Variants in RNF214 observed in about 807,000 individuals in gnomAD.
RNF214 encodes ring finger protein 214.
In RNF214, 25 loss-of-function variants were observed where a neutral mutation model predicts 75.9. That is an observed-to-expected ratio of 0.33 (90% CI 0.24 to 0.46). RNF214 has a LOEUF of 0.46. RNF214 is among the 20% of genes least tolerant of loss of function. The pLI is 1.00. For synonymous variants in RNF214, 314 were observed against 308.8 expected (o/e 1.02, Z -0.18); for missense variants, 725 against 857.5 (o/e 0.85, Z 1.93).
rs118053205 is a variant in RNF214, at chr11:117,247,828, A to G, written c.959+880A>G. Among the ~76,000 whole-genome samples, 845 of 150,370 alleles carry G rather than the reference A, an allele frequency of 5.6e-3. 7 individuals are homozygous for G. The highest frequency in any genetic ancestry group is 8.8e-3 in the Non-Finnish European group (592 of 67,580). On this transcript the variant is annotated intron_variant, in intron 6 of 14. Coordinates refer to ENST00000300650, the MANE Select transcript of RNF214 (RefSeq NM_207343.4). ...AGCTGAGATCGTGCCACTGGACTTC[A>G]GCCTGGCAACAGAGTGAGACCCTGT...
At chr11:117,273,684 C>T (rs576738206) in intron 6 of RNF214, among the ~76,000 whole-genome samples, 23 of 152,098 alleles carry the variant, frequency 1.5e-4, no homozygotes, top group Non-Finnish European at 1.6e-4. Flanking sequence ...ACCCTCAAAT[C>T]CATTTCCCCT....
chr11:117,254,238 G>A (rs2033467857), intron 6 of RNF214, among the ~76,000 whole-genome samples: 1 of 151,478 alleles, frequency 6.6e-6, no homozygotes, highest in East Asian at 1.9e-4. Flanking sequence ...GACAGAGCAA[G>A]ACTCCATCTC....
intron 5 of RNF214, 46 bp downstream of exon 5, chr11:117,244,631 C>T (rs2033163841): frequency 1.4e-6 from 2 of 1,434,720 alleles, no homozygotes; most frequent in Non-Finnish European, 9.4e-7. Context: ...GCAACAGTCT[C>T]TGATCAAACT....
chr11:117,277,488 T>C (rs571308927), intron 6 of RNF214, among the ~76,000 whole-genome samples: 61 of 152,170 alleles, frequency 4.0e-4, no homozygotes, highest in African/African-American at 1.5e-3. Context: ...AATAAGTGTG[T>C]AACACACACA....
chr11:117,275,517 G>A (rs2033998967), intron 6 of RNF214, among the ~76,000 whole-genome samples: 1 of 152,192 alleles, frequency 6.6e-6, no homozygotes, highest in Non-Finnish European at 1.5e-5. Context: ...TTAGCTGTGA[G>A]AGGATTCAAA....
At chr11:117,270,132 G>A (rs1011336826) in intron 6 of RNF214, among the ~76,000 whole-genome samples, 4 of 151,858 alleles carry the variant, frequency 2.6e-5, no homozygotes, top group African/African-American at 9.7e-5. Flanking sequence ...AATCCCTCTT[G>A]GTGCTTCTGG....
chr11:117,242,565 C>T (rs2033108751), intron 4 of RNF214, among the ~76,000 whole-genome samples: 1 of 152,146 alleles, frequency 6.6e-6, no homozygotes, highest in Admixed American at 6.6e-5. Context: ...TTTAAAAAGG[C>T]AGTGAGGCCG....
chr11:117,246,723 G>C (rs1413241270), intron 5 of RNF214, 86 bp from the exon 6 acceptor site: 6 of 1,318,340 alleles, frequency 4.6e-6, no homozygotes, highest in Non-Finnish European at 5.1e-6. Flanking sequence ...ACGTGAATTT[G>C]TGATAGTTGA....
chr11:117,254,394 T>G (rs2033472011), intron 6 of RNF214, among the ~76,000 whole-genome samples: 1 of 152,172 alleles, frequency 6.6e-6, no homozygotes, highest in Admixed American at 6.5e-5. Context: ...AAATTTACAC[T>G]TTGACCGTAT....
chr11:117,237,806 CTT>C, intron 2 of RNF214, among the ~76,000 whole-genome samples: 2 of 152,176 alleles, frequency 1.3e-5, no homozygotes, highest in South Asian at 4.1e-4. Context: ...CAAAATTGTA[CTT>C]TAGACAACTT....
chr11:117,246,784 G>T, intron 5 of RNF214, 25 bp from the exon 6 acceptor site: 1 of 1,490,396 alleles, frequency 6.7e-7, no homozygotes, highest in Admixed American at 2.2e-5. Context: ...TTATTTGTGT[G>T]CGACTGTAAT....
chr11:117,276,285 AAG>A (rs1365064436), intron 6 of RNF214, among the ~76,000 whole-genome samples: 2 of 152,328 alleles, frequency 1.3e-5, no homozygotes, highest in Admixed American at 6.5e-5. Flanking sequence ...CATCATACTG[AAG>A]AGAGAAAAGC....
chr11:117,243,326 A>T (rs969921638), intron 4 of RNF214, among the ~76,000 whole-genome samples: 1 of 152,002 alleles, frequency 6.6e-6, no homozygotes, highest in Admixed American at 6.6e-5. Context: ...TTGTATTTTT[A>T]GTAGAGATGG....
At chr11:117,255,693 A>G (rs1030533609) in intron 6 of RNF214, among the ~76,000 whole-genome samples, 2 of 151,876 alleles carry the variant, frequency 1.3e-5, no homozygotes, top group African/African-American at 4.8e-5. Flanking sequence ...TCTCTCTGTC[A>G]CTGGCCACTA....
Position 117,282,510 on chromosome 11 carries a change from C to T in RNF214, c.1819C>T (p.His607Tyr). Residue 607 changes from histidine (H) to tyrosine (Y), a missense_variant, in exon 12 of 15, where the codon CAT becomes TAT. By Grantham distance (83) the His-to-Tyr change is moderately conservative. Around this residue, in one of 2 missense-constraint regions of RNF214, gnomAD observed 363 missense variants for 513.0 expected, o/e 0.71. Transcript: ENST00000300650. ...IQLVAARLAE[H>Y]ERVAASTQPL... Reference sequence around the variant, plus strand: ...GTTGGTTGCTGCACGACTGGCAGAACATGAGCGGGTGGCAGCAAGTACTCA... The same window carrying T: ...GTTGGTTGCTGCACGACTGGCAGAATATGAGCGGGTGGCAGCAAGTACTCA... 1.2e-6 allele frequency: 2 copies of T among 1,614,128 alleles called. No homozygotes were observed. Among genetic ancestry groups the T allele is most frequent in the South Asian group, 1.1e-5 (1 of 91,080 alleles).
At chr11:117,265,160 T>C (rs1399864348) in intron 6 of RNF214, among the ~76,000 whole-genome samples, 1 of 152,182 alleles carries the variant, frequency 6.6e-6, no homozygotes, top group Non-Finnish European at 1.5e-5. Flanking sequence ...ATGTAATTAT[T>C]GATTTGATTG....
At chr11:117,234,176 G>T in intron 1 of RNF214, 91 bp from the exon 2 acceptor site, 1 of 913,094 alleles carries the variant, frequency 1.1e-6, no homozygotes. Context: ...TACTGCGACA[G>T]CTCTGTTGTG....
At chr11:117,283,033 T>C in intron 13 of RNF214, 82 bp from the exon 14 acceptor site, 1 of 1,084,030 alleles carries the variant, frequency 9.2e-7, no homozygotes, top group Non-Finnish European at 1.4e-6. Context: ...ATAAATCTTT[T>C]TGCTGCATGG....
At chr11:117,239,392 A>C in intron 3 of RNF214, 2 of 492,696 alleles carry the variant, frequency 4.1e-6, no homozygotes, top group South Asian at 2.6e-5. Flanking sequence ...AGTGCAGGAC[A>C]TTAGCATTCA....
Sources: gnomAD v4.1 joint callset for allele counts (sites outside exome capture counted in the v4.1 genomes callset) on GRCh38, gnomAD v4.1.1 for gene constraint, gnomAD v4.1.1 regional missense constraint, MANE v1.5 for transcripts, NCBI Gene and HGNC (gene_info 2026-07-23, HGNC 2026-07-21) for gene names.